The following LDB2 variants were observed in gnomAD, a reference collection of about 807,000 sequenced individuals.
LDB2 encodes LIM domain-binding protein 2.
In LDB2, 12 loss-of-function variants were observed where a neutral mutation model predicts 44.3. That is an observed-to-expected ratio of 0.27 (90% CI 0.17 to 0.44). LDB2 has a LOEUF of 0.44. Ranked by LOEUF, LDB2 falls within the 20% of genes least tolerant of loss-of-function variation. LDB2 has a pLI of 1.00. For synonymous variants in LDB2, 164 were observed against 174.8 expected (o/e 0.94, Z 0.49); for missense variants, 344 against 473.5 (o/e 0.73, Z 2.54).
At chr4:16,556,183 A>C (rs951214911) in intron 5 of LDB2, among the ~76,000 whole-genome samples, 3 of 152,222 alleles carry the variant, frequency 2.0e-5, no homozygotes, top group Admixed American at 2.0e-4. Context: ...TGAAATTATA[A>C]ACATATTTTT....
At chr4:16,766,556 A>T (rs1389082374) in intron 1 of LDB2, among the ~76,000 whole-genome samples, 63 of 146,110 alleles carry the variant, frequency 4.3e-4, no homozygotes, top group Non-Finnish European at 1.5e-4. Flanking sequence ...CCGAGGCTGG[A>T]GTGCAATGGC....
At chr4:16,847,985 TA>T (rs1353608075) in intron 1 of LDB2, among the ~76,000 whole-genome samples, 1 of 152,162 alleles carries the variant, frequency 6.6e-6, no homozygotes, top group Non-Finnish European at 1.5e-5. Context: ...AATATAAATG[TA>T]AAATACATAG....
chr4:16,549,164 C>T (rs1231950508), intron 5 of LDB2, among the ~76,000 whole-genome samples: 1 of 152,196 alleles, frequency 6.6e-6, no homozygotes, highest in African/African-American at 2.4e-5. Flanking sequence ...CTCTTGCAAC[C>T]TTAGTGCTGT....
chr4:16,604,566 T>C (rs1723431713), intron 2 of LDB2, among the ~76,000 whole-genome samples: 1 of 150,402 alleles, frequency 6.6e-6, no homozygotes, highest in Admixed American at 6.6e-5. Flanking sequence ...TTCAGAAAAA[T>C]TTTAAATAAT....
chr4:16,585,303 G>T (rs553736797), intron 5 of LDB2, among the ~76,000 whole-genome samples: 2 of 152,258 alleles, frequency 1.3e-5, no homozygotes, highest in South Asian at 4.1e-4. Context: ...GTGGTTCAGG[G>T]CCACCACAAT....
At chr4:16,834,436 T>C (rs35705152) in intron 1 of LDB2, among the ~76,000 whole-genome samples, 19,011 of 152,226 alleles carry the variant, frequency 0.12, 1,558 homozygotes, top group Non-Finnish European at 0.18. Flanking sequence ...GGTTGTCCCC[T>C]TTACATAGGG....
At chr4:16,669,006 G>A (rs2152553078) in intron 2 of LDB2, among the ~76,000 whole-genome samples, 1 of 152,278 alleles carries the variant, frequency 6.6e-6, no homozygotes, top group Admixed American at 6.5e-5. Flanking sequence ...ACTAGGAAAT[G>A]GGGTCAATCC....
chr4:16,659,671 G>GTGTGTGTA (rs1315288524), intron 2 of LDB2, among the ~76,000 whole-genome samples: 1 of 133,520 alleles, frequency 7.5e-6, no homozygotes, highest in African/African-American at 3.0e-5. Context: ...ATCTATGTGT[G>GTGTGTGTA]TATATATATA....
chr4:16,702,573 T>A (rs1376175202), intron 2 of LDB2, among the ~76,000 whole-genome samples: 3 of 152,212 alleles, frequency 2.0e-5, no homozygotes, highest in African/African-American at 7.2e-5. Flanking sequence ...TTTGATGGAC[T>A]TTATTTTCCT....
At chr4:16,875,269 T>G (rs1013527606) in intron 1 of LDB2, among the ~76,000 whole-genome samples, 1 of 152,198 alleles carries the variant, frequency 6.6e-6, no homozygotes, top group Non-Finnish European at 1.5e-5. Context: ...TGGCAAAATC[T>G]GATCTGGGTG....
rs1340424471 is a variant in LDB2 at position 16,674,234 on chromosome 4, A to T, written c.236-78359T>A. On this transcript the variant is annotated intron_variant, in intron 2 of 7. Coordinates refer to ENST00000304523, the MANE Select transcript of LDB2 (RefSeq NM_001290.5). Reference sequence around the variant, plus strand: ...AACAGAAAAGCAATTACATGATAGGAAATTGTAATAATCCATCACAGGCAT... The same window carrying T: ...AACAGAAAAGCAATTACATGATAGGTAATTGTAATAATCCATCACAGGCAT... 5.4e-6 allele frequency: 7 copies of T among 1,288,836 alleles called. No individual in the cohort carries two copies. In the African/African-American group the frequency reaches 7.6e-5, roughly 14 times the overall value. 79.8% of individuals were successfully genotyped at this position (1,288,836 alleles called of 1,614,324 possible).
intron 2 of LDB2, among the ~76,000 whole-genome samples, chr4:16,746,516 G>A (rs940129265): frequency 1.3e-5 from 2 of 152,306 alleles, no homozygotes; most frequent in Admixed American, 1.3e-4. Flanking sequence ...GCTGGGTGCA[G>A]TGGATCATGC....
At chr4:16,722,575 GC>G (rs1174427592) in intron 2 of LDB2, among the ~76,000 whole-genome samples, 1 of 152,030 alleles carries the variant, frequency 6.6e-6, no homozygotes, top group Non-Finnish European at 1.5e-5. Context: ...TCTCTTTTGT[GC>G]CCTAGGCAAA....
Position 16,739,669 on chromosome 4 carries a change from TAC to T in LDB2, c.235+19487_235+19488del, listed in dbSNP as rs1173828361. Among the ~76,000 whole-genome samples, 179 of 76,036 alleles carry T rather than the reference TAC, an allele frequency of 2.4e-3. 40 individuals carry two copies. The highest frequency in any genetic ancestry group is 3.0e-3 in the African/African-American group (55 of 18,480). 49.9% of individuals were successfully genotyped at this position (76,036 alleles called of 152,430 possible). A position where few individuals can be genotyped will look rare whatever the true frequency, so the allele number is the denominator to read the frequency against. On this transcript the variant is annotated intron_variant, in intron 2 of 7. Transcript: ENST00000304523. ...ACATATGTGTGTATATATGTATATA[TAC>T]ATATGTGTGTATATATGTATATATA...
intron 1 of LDB2, among the ~76,000 whole-genome samples, chr4:16,857,479 A>G (rs1344186484): frequency 2.0e-5 from 3 of 152,164 alleles, no homozygotes; most frequent in Non-Finnish European, 4.4e-5. Context: ...CAAAAGCTCA[A>G]CTCAGAAGCC....
chr4:16,626,184 ACACTGGCTAGTACATCTAAT>A (rs2152487844), intron 2 of LDB2, among the ~76,000 whole-genome samples: 1 of 152,342 alleles, frequency 6.6e-6, no homozygotes, highest in African/African-American at 2.4e-5. Flanking sequence ...GCAGTGTCAC[ACACTGGCTAGTACATCTAAT>A]GTTCTCTTTC....
At chr4:16,805,740 T>A (rs1449691170) in intron 1 of LDB2, among the ~76,000 whole-genome samples, 1 of 152,210 alleles carries the variant, frequency 6.6e-6, no homozygotes, top group Admixed American at 6.5e-5. Context: ...TTCCTCTGAC[T>A]GCATGTAGAA....
At chr4:16,751,158 A>G (rs1038126962) in intron 2 of LDB2, among the ~76,000 whole-genome samples, 3 of 152,196 alleles carry the variant, frequency 2.0e-5, no homozygotes, top group Non-Finnish European at 2.9e-5. Flanking sequence ...TCGTGAGGGC[A>G]GTCATAGATA....
In LDB2 at chr4:16,582,897, G is replaced by A. The variant is rs1221185973; in HGVS notation, c.615+3025C>T. ...ATGCTGGGATGCGACAGGAGGGAAC[G>A]ACAAGAGGGAACAGCAGGTGATTTG... On this transcript the variant is annotated intron_variant, in intron 5 of 7. Transcript: ENST00000304523. The surrounding 1 kb of genome is among the most constrained non-coding windows in gnomAD (Gnocchi z 4.8). Among the ~76,000 whole-genome samples, 2 of 152,094 alleles carry A rather than the reference G, an allele frequency of 1.3e-5. No homozygotes were observed. Among genetic ancestry groups the A allele is most frequent in the African/African-American group, 4.8e-5 (2 of 41,410 alleles).
Sources: gnomAD v4.1 joint callset for allele counts (sites outside exome capture counted in the v4.1 genomes callset) on GRCh38, gnomAD v4.1.1 for gene constraint, Gnocchi (gnomAD v3.1) non-coding constraint, MANE v1.5 for transcripts, NCBI Gene and HGNC (gene_info 2026-07-23, HGNC 2026-07-21) for gene names.